Variants in CSMD2 observed in about 807,000 individuals in gnomAD.
The protein encoded by CSMD2 is CUB and sushi domain-containing protein 2.
A neutral mutation model predicts 398.5 loss-of-function variants in CSMD2; 130 were observed. The observed-to-expected ratio is 0.33, with a 90% confidence interval of 0.28 to 0.38. The LOEUF (loss-of-function observed/expected upper bound fraction) is 0.38, where lower values mean the gene tolerates loss of function less well. Among genes scored for constraint, CSMD2 ranks in the 10% least tolerant of loss-of-function variants. CSMD2 has a pLI of 1.00. For synonymous variants in CSMD2, 1,828 were observed against 1,908.5 expected (o/e 0.96, Z 1.10); for missense variants, 3,829 against 4,764.9 (o/e 0.80, Z 5.78).
At chr1:33,744,351 C>T (rs1315347501) in intron 13 of CSMD2, among the ~76,000 whole-genome samples, 4 of 152,106 alleles carry the variant, frequency 2.6e-5, no homozygotes, top group Admixed American at 6.5e-5. Flanking sequence ...CCCAAGATGC[C>T]ACACTATGCT....
intron 3 of CSMD2, among the ~76,000 whole-genome samples, chr1:33,991,649 T>C (rs1162436819): frequency 6.6e-6 from 1 of 152,160 alleles, no homozygotes; most frequent in Non-Finnish European, 1.5e-5. Flanking sequence ...GGTCTTGCTG[T>C]TCTGCAGAGG....
chr1:34,012,108 C>T (rs1035218495), intron 3 of CSMD2, among the ~76,000 whole-genome samples: 1 of 152,214 alleles, frequency 6.6e-6, no homozygotes, highest in Non-Finnish European at 1.5e-5. Context: ...CTATCAGGAA[C>T]TGTCTTGTGG....
At chr1:33,580,171 A>T (rs1438431818) in intron 48 of CSMD2, among the ~76,000 whole-genome samples, 2 of 152,214 alleles carry the variant, frequency 1.3e-5, no homozygotes, top group African/African-American at 2.4e-5. Context: ...CAAAGTGGGC[A>T]TCAAGCACCT....
chr1:33,633,349 G>C lies in CSMD2; in HGVS notation c.5200+73C>G. On this transcript the variant is annotated intron_variant, in intron 32 of 70. Coordinates refer to ENST00000373381, the MANE Select transcript of CSMD2 (RefSeq NM_001281956.2). This position sits in a 1 kb window ranked among gnomAD's most constrained non-coding sequence, Gnocchi z 5.0. ...CACCTGCGGCCATGGGGTGCTTCTA[G>C]AGCCTCCTTCCTTTAGCCGGACGTG... is the stretch of plus-strand genomic sequence containing the variant. 8.6e-7 allele frequency: 1 copy of C among 1,158,182 alleles called. No homozygotes were observed. Among genetic ancestry groups the C allele is most frequent in the Non-Finnish European group, 1.3e-6 (1 of 791,402 alleles). The allele number at this position is 1,158,182 out of a possible 1,614,324, so 71.7% of individuals were successfully genotyped here.
At chr1:33,678,385 T>C (rs1025350091) in intron 25 of CSMD2, among the ~76,000 whole-genome samples, 3 of 151,824 alleles carry the variant, frequency 2.0e-5, no homozygotes, top group Admixed American at 6.6e-5. Flanking sequence ...CCTTGACCTG[T>C]TGATTTCACT....
At chr1:33,604,822 G>C (rs1191834618) in intron 42 of CSMD2, among the ~76,000 whole-genome samples, 2 of 151,850 alleles carry the variant, frequency 1.3e-5, no homozygotes, top group Admixed American at 1.3e-4. Flanking sequence ...TAGAAGGAGA[G>C]TATAATGGAG....
intron 47 of CSMD2, among the ~76,000 whole-genome samples, chr1:33,581,529 CAAAAAA>C (rs59068586): frequency 2.7e-5 from 1 of 36,882 alleles, no homozygotes; most frequent in Non-Finnish European, 4.9e-5. Context: ...GACTCAGTCT[CAAAAAA>C]AAAAAAAAAA....
chr1:33,658,168 G>C, intron 26 of CSMD2, 31 bp from the exon 27 acceptor site: 1 of 1,589,768 alleles, frequency 6.3e-7, no homozygotes, highest in Non-Finnish European at 8.6e-7. Flanking sequence ...AGAGGGTAAG[G>C]TCGCCTGGGT....
At chr1:34,022,919 C>T (rs937340398) in intron 3 of CSMD2, among the ~76,000 whole-genome samples, 2 of 152,158 alleles carry the variant, frequency 1.3e-5, no homozygotes, top group Non-Finnish European at 2.9e-5. Context: ...CCAGCCTCAA[C>T]CCCCTGGGCT....
Position 34,076,940 on chromosome 1 carries a change from T to A in CSMD2, c.404+12037A>T, listed in dbSNP as rs1264036644. Reference sequence around the variant, plus strand: ...AAAAAAAAAAAAAAATATATATATATATATATATATATATATAGAAGGCTT... The same window carrying A: ...AAAAAAAAAAAAAAATATATATATAAATATATATATATATATAGAAGGCTT... On this transcript the variant is annotated intron_variant, in intron 2 of 70. Transcript: ENST00000373381. Among the ~76,000 whole-genome samples the A allele has an allele frequency of 6.4e-3, 620 of 97,590 alleles. 8 individuals are homozygous for A. Among genetic ancestry groups the A allele is most frequent in the African/African-American group, 0.023 (494 of 21,242 alleles). The allele number at this position is 97,590 out of a possible 152,430, so 64.0% of individuals were successfully genotyped here. A position where few individuals can be genotyped will look rare whatever the true frequency, so the allele number is the denominator to read the frequency against.
chr1:33,896,765 T>C (rs986180242), intron 5 of CSMD2, among the ~76,000 whole-genome samples: 38 of 152,066 alleles, frequency 2.5e-4, no homozygotes, highest in African/African-American at 7.7e-4. Context: ...CCATTTTAAA[T>C]AGGTGATTGG....
intron 21 of CSMD2, among the ~76,000 whole-genome samples, chr1:33,712,301 G>A (rs6683816): frequency 0.31 from 47,004 of 151,828 alleles, 8,313 homozygotes; most frequent in Middle Eastern, 0.46. Flanking sequence ...GGCCCCTGAT[G>A]TCAGGGGCTA....
chr1:33,623,328 A>G (rs1163257275), intron 36 of CSMD2, 42 bp downstream of exon 36: 7 of 1,253,198 alleles, frequency 5.6e-6, no homozygotes, highest in Non-Finnish European at 7.0e-6. Context: ...GATGAGCTCT[A>G]GTACTACCCT....
chr1:34,032,672 T>C lies in CSMD2; in HGVS notation c.439A>G (p.Ser147Gly), dbSNP rs759014083. The change falls in exon 3 of 71, where the codon AGT (serine) becomes GGT (glycine). Residue 147 changes from serine (S) to glycine (G), a missense_variant. By Grantham distance (56) the Ser-to-Gly change is moderately conservative (BLOSUM62 0). Around this residue, in one of 5 missense-constraint regions of CSMD2, gnomAD observed 184 missense variants for 217.7 expected, o/e 0.85. Coordinates refer to ENST00000373381, the MANE Select transcript of CSMD2 (RefSeq NM_001281956.2). ...TGFQLPATIV[S>G]AATTLSLRLI... ...CGCAGAGAGAGGGTGGTGGCTGCACTAACAATGGTGGCTGGCAGCTGAAAG... is the reference window on the plus strand; with the variant it reads ...CGCAGAGAGAGGGTGGTGGCTGCACCAACAATGGTGGCTGGCAGCTGAAAG... 4.4e-6 allele frequency: 7 copies of C among 1,600,482 alleles called. No homozygotes were observed. The highest frequency in any genetic ancestry group is 6.0e-6 in the Non-Finnish European group (7 of 1,173,556).
rs1179375061 is a variant in CSMD2 at position 33,861,515 on chromosome 1, G to C, written c.921-14519C>G. 2.6e-5 allele frequency among the ~76,000 whole-genome samples: 4 copies of C among 152,282 alleles called. No homozygotes were observed. In the South Asian group the frequency reaches 6.2e-4, roughly 24 times the overall value. ...ACACCTCTTCCCGGGCATGTGGTCT[G>C]GTCATGCTACTGTCCTTGCAGGCAT... On this transcript the variant is annotated intron_variant, in intron 5 of 70. Coordinates refer to ENST00000373381, the MANE Select transcript of CSMD2 (RefSeq NM_001281956.2).
At chr1:33,742,307 T>G (rs1187063989) in intron 14 of CSMD2, among the ~76,000 whole-genome samples, 1 of 152,122 alleles carries the variant, frequency 6.6e-6, no homozygotes, top group African/African-American at 2.4e-5. Flanking sequence ...CAGAGATAGG[T>G]GGAAAACGGA....
rs200640948 is a variant in CSMD2 at position 34,088,983 on chromosome 1, C to T, written c.398G>A (p.Arg133His). 4.5e-5 allele frequency: 73 copies of T among 1,613,138 alleles called. 1 individual carries two copies. The highest frequency in any genetic ancestry group is 1.8e-4 in the Middle Eastern group (1 of 5,554). The change falls in exon 2 of 71, where the codon CGT (arginine) becomes CAT (histidine). Residue 133 changes from arginine to histidine, a missense_variant. Transcript: ENST00000373381. ...FDGPPQPENL[R>H]TRLTGFQLPA... is the part of the protein sequence containing the mutation. ...AAGGTGGGCAGCATGGTACCTCGTA[C>T]GCAGATTCTCTGGCTGGGGTGGACC...
intron 46 of CSMD2, 128 bp from the exon 47 acceptor site, chr1:33,583,958 C>T: frequency 1.4e-6 from 1 of 722,654 alleles, no homozygotes; most frequent in South Asian, 1.8e-5. Context: ...CAGATAAGAT[C>T]CCACATCCAT....
At chr1:33,928,870 C>T (rs900851981) in intron 4 of CSMD2, among the ~76,000 whole-genome samples, 5 of 152,230 alleles carry the variant, frequency 3.3e-5, no homozygotes, top group Admixed American at 6.5e-5. Flanking sequence ...TGGTGTCCAG[C>T]ATGCAGTGCC....
Sources: allele counts gnomAD v4.1 joint callset (sites outside exome capture counted in the v4.1 genomes callset), GRCh38; gene constraint gnomAD v4.1.1; regional missense constraint gnomAD v4.1.1; non-coding constraint Gnocchi (gnomAD v3.1); transcripts MANE v1.5; gene names NCBI Gene and HGNC (gene_info 2026-07-23, HGNC 2026-07-21).